Variants in APTX observed in about 807,000 individuals in gnomAD.
The protein encoded by APTX is forkhead-associated domain histidine triad-like protein.
APTX carries 33 observed loss-of-function variants against 42.3 expected under a neutral mutation model. The ratio of observed to expected loss-of-function variants is 0.78; its 90% CI spans 0.59 to 1.04. The LOEUF is 1.04. APTX is among the 50% of genes least tolerant of loss of function. The pLI is 0.00. For synonymous variants in APTX, 130 were observed against 146.7 expected (o/e 0.89, Z 0.82); for missense variants, 421 against 415.1 (o/e 1.01, Z -0.12).
rs1228629726 is a variant in APTX at position 33,001,368 on chromosome 9, G to A, written c.-5+199C>T. On this transcript the variant is annotated intron_variant, in intron 1 of 7. Transcript: ENST00000379817. ...AGCACACGTGAACAAACGCAAAGTG[G>A]GTCGAAGACCAACGCGAGCGCCCGC... is the stretch of plus-strand genomic sequence containing the variant. 3 of 1,530,114 alleles carry A rather than the reference G, an allele frequency of 2.0e-6. No individual in the cohort carries two copies. In the African/African-American group the frequency reaches 4.1e-5, roughly 21 times the overall value. The allele number at this position is 1,530,114 out of a possible 1,614,324, so 94.8% of individuals were successfully genotyped here.
At chr9:32,995,424 A>G (rs569952438) in intron 1 of APTX, among the ~76,000 whole-genome samples, 24 of 152,384 alleles carry the variant, frequency 1.6e-4, no homozygotes, top group Admixed American at 5.2e-4. Context: ...CCAATATAGC[A>G]GAAATAAAGA....
intron 1 of APTX, among the ~76,000 whole-genome samples, chr9:32,994,171 G>A (rs950196633): frequency 1.3e-5 from 2 of 152,170 alleles, no homozygotes; most frequent in East Asian, 1.9e-4. Flanking sequence ...CTGCAATGAC[G>A]GAAATGTTCT....
intron 1 of APTX, among the ~76,000 whole-genome samples, chr9:33,022,213 T>C (rs1838442393): frequency 6.6e-6 from 1 of 152,116 alleles, no homozygotes; most frequent in South Asian, 2.1e-4. Context: ...GACAGACTAA[T>C]ATCTACCCCT....
intron 7 of APTX, 124 bp from the exon 8 acceptor site, chr9:32,973,776 C>T (rs1587333087): frequency 1.5e-6 from 2 of 1,308,348 alleles, no homozygotes; most frequent in East Asian, 2.3e-5. Context: ...TATTCTACAG[C>T]TCCGTAAGCT....
At chr9:32,985,851 C>T in intron 5 of APTX, 120 bp downstream of exon 5, 1 of 950,066 alleles carries the variant, frequency 1.1e-6, no homozygotes, top group East Asian at 2.4e-5. Flanking sequence ...CAGAACAGCC[C>T]AATAAAATGA....
intron 1 of APTX, among the ~76,000 whole-genome samples, chr9:33,009,377 C>T (rs1396315571): frequency 6.6e-6 from 1 of 152,144 alleles, no homozygotes; most frequent in Non-Finnish European, 1.5e-5. Context: ...CCTACCCTTT[C>T]CCCCACCCCA....
At chr9:32,980,928 T>C (rs1379667130) in intron 6 of APTX, among the ~76,000 whole-genome samples, 1 of 152,208 alleles carries the variant, frequency 6.6e-6, no homozygotes, top group African/African-American at 2.4e-5. Flanking sequence ...ATATTTCACG[T>C]TCTCCCAATA....
At chr9:33,008,842 G>T (rs115895329) in intron 1 of APTX, among the ~76,000 whole-genome samples, 1 of 151,684 alleles carries the variant, frequency 6.6e-6, no homozygotes, top group African/African-American at 2.4e-5. Context: ...GTGCGCCACC[G>T]CGTTGGCCTG....
chr9:32,994,707 G>A (rs1227948271), intron 1 of APTX, among the ~76,000 whole-genome samples: 1 of 152,158 alleles, frequency 6.6e-6, no homozygotes, highest in African/African-American at 2.4e-5. Context: ...ACAATGATCT[G>A]TGATCAGTGA....
chr9:32,980,787 GT>G (rs1441299394), intron 6 of APTX, among the ~76,000 whole-genome samples: 51 of 152,302 alleles, frequency 3.3e-4, no homozygotes, highest in African/African-American at 1.2e-3. Flanking sequence ...TTGGGAGAGT[GT>G]TACTTACTGA....
intron 2 of APTX, 136 bp from the exon 3 acceptor site, chr9:32,988,265 T>A: frequency 1.3e-6 from 1 of 754,254 alleles, no homozygotes. Flanking sequence ...CTATTAGCAA[T>A]CACCTGTTAT....
intron 4 of APTX, 61 bp from the exon 5 acceptor site, chr9:32,986,091 T>C: frequency 6.2e-6 from 9 of 1,448,296 alleles, no homozygotes; most frequent in Non-Finnish European, 8.5e-6. Context: ...AAATTACAAA[T>C]GCCAATAATT....
intron 1 of APTX, among the ~76,000 whole-genome samples, chr9:33,006,772 A>G (rs1837174320): frequency 6.6e-6 from 1 of 151,978 alleles, no homozygotes; most frequent in Non-Finnish European, 1.5e-5. Flanking sequence ...AGGCCGAGGC[A>G]GGCGAATCAC....
intron 1 of APTX, among the ~76,000 whole-genome samples, chr9:33,013,650 CA>C (rs1245037958): frequency 3.9e-5 from 6 of 151,980 alleles, no homozygotes; most frequent in Non-Finnish European, 7.4e-5. Flanking sequence ...ACTAAAAATA[CA>C]AAAAAATTAG....
chr9:33,019,061 T>C (rs1838147297), intron 1 of APTX, among the ~76,000 whole-genome samples: 1 of 152,218 alleles, frequency 6.6e-6, no homozygotes, highest in African/African-American at 2.4e-5. Context: ...GAACGAACTT[T>C]AGTTAATAAT....
At chr9:32,974,591 A>C (rs781000667) in intron 6 of APTX, 30 bp from the exon 7 acceptor site, 3 of 1,229,192 alleles carry the variant, frequency 2.4e-6, no homozygotes, top group Admixed American at 1.7e-5. Flanking sequence ...ACTGAGCATT[A>C]AACTCTTTAA....
intron 6 of APTX, among the ~76,000 whole-genome samples, chr9:32,984,195 T>A (rs1831350448): frequency 6.6e-6 from 1 of 152,204 alleles, no homozygotes; most frequent in Non-Finnish European, 1.5e-5. Context: ...TACTTTTCTC[T>A]CATTTTATTT....
At chr9:32,994,831 T>C (rs562587664) in intron 1 of APTX, among the ~76,000 whole-genome samples, 6 of 152,298 alleles carry the variant, frequency 3.9e-5, no homozygotes, top group African/African-American at 1.4e-4. Flanking sequence ...TAGGGACTAA[T>C]GCAGATGGAG....
chr9:32,973,565 T>G lies in APTX; in HGVS notation c.962A>C (p.Glu321Ala). 6.2e-7 allele frequency: 1 copy of G among 1,614,006 alleles called. No homozygotes were observed. The highest frequency in any genetic ancestry group is 1.1e-5 in the South Asian group (1 of 91,076). The change falls in exon 8 of 8, where the codon GAG becomes GCG. Residue 321 changes from glutamate to alanine, a missense_variant. Physicochemically the swap from Glu to Ala is moderately radical, Grantham distance 107 (BLOSUM62 -1). Coordinates refer to ENST00000379817, the MANE Select transcript of APTX (RefSeq NM_001195248.2). ...AATGGAAGGCAGCAGCTGCTGGCAC[T>G]CATGACAACGAAGGGGCAGCTTCAA... ...ELLKLPLRCH[E>A]CQQLLPSIPQ...
Sources: gnomAD v4.1 joint callset for allele counts (sites outside exome capture counted in the v4.1 genomes callset) on GRCh38, gnomAD v4.1.1 for gene constraint, MANE v1.5 for transcripts, NCBI Gene and HGNC (gene_info 2026-07-23, HGNC 2026-07-21) for gene names.